The following MYPN variants were observed in gnomAD, a reference collection of about 807,000 sequenced individuals.
MYPN encodes myopalladin.
MYPN carries 63 observed loss-of-function variants against 129.4 expected under a neutral mutation model. That is an observed-to-expected ratio of 0.49 (90% CI 0.40 to 0.60). The LOEUF is 0.60. MYPN is among the 20% of genes least tolerant of loss of function. MYPN has a pLI of 0.00. For synonymous variants in MYPN, 629 were observed against 600.9 expected (o/e 1.05, Z -0.68); for missense variants, 1,596 against 1,635.4 (o/e 0.98, Z 0.42).
At chr10:68,193,797 GCACACACA>G (rs368376657) in intron 13 of MYPN, among the ~76,000 whole-genome samples, 6,679 of 127,578 alleles carry the variant, frequency 0.052, 164 homozygotes, top group Middle Eastern at 0.082. Flanking sequence ...ATGTGTATGT[GCACACACA>G]CACACACACA....
At chr10:68,139,386 C>T (rs2042538407) in intron 2 of MYPN, among the ~76,000 whole-genome samples, 1 of 152,210 alleles carries the variant, frequency 6.6e-6, no homozygotes, top group African/African-American at 2.4e-5. Flanking sequence ...GCTCCTCAAC[C>T]TGCTTTCCAC....
At chr10:68,118,618 G>A (rs891885956) in intron 1 of MYPN, among the ~76,000 whole-genome samples, 1 of 152,256 alleles carries the variant, frequency 6.6e-6, no homozygotes, top group Admixed American at 6.6e-5. Flanking sequence ...GATCACTTGA[G>A]GTTCTTTGAG....
intron 10 of MYPN, among the ~76,000 whole-genome samples, chr10:68,168,140 A>G (rs1265267135): frequency 1.3e-5 from 2 of 152,116 alleles, no homozygotes; most frequent in Non-Finnish European, 2.9e-5. Context: ...ATTCCACATC[A>G]TGATCTGTGT....
upstream of MYPN, among the ~76,000 whole-genome samples, chr10:68,105,079 G>A (rs762984542): frequency 2.6e-5 from 4 of 152,170 alleles, no homozygotes; most frequent in South Asian, 2.1e-4. Flanking sequence ...CACCATGCCC[G>A]GCCTAATATG....
intron 2 of MYPN, chr10:68,136,599 G>T: frequency 6.6e-7 from 1 of 1,505,700 alleles, no homozygotes; most frequent in Non-Finnish European, 8.8e-7. Flanking sequence ...TGTTTTTTTA[G>T]GCCTGCTGAG....
At chr10:68,182,449 TA>T (rs2043347176) in intron 12 of MYPN, among the ~76,000 whole-genome samples, 5 of 112,260 alleles carry the variant, frequency 4.5e-5, no homozygotes, top group Admixed American at 3.1e-4. Context: ...AACATATATA[TA>T]ACATATATAT....
chr10:68,096,655 T>G (rs2041958015), intron 1 of MYPN, among the ~76,000 whole-genome samples: 1 of 152,228 alleles, frequency 6.6e-6, no homozygotes, highest in Non-Finnish European at 1.5e-5. Flanking sequence ...TCTGTCCCAG[T>G]TCATCATCAT....
At chr10:68,194,308 A>C in intron 13 of MYPN, 55 bp from the exon 14 acceptor site, 1 of 1,597,630 alleles carries the variant, frequency 6.3e-7, no homozygotes, top group Non-Finnish European at 8.5e-7. Context: ...ACCCTAGTTC[A>C]TTAACCTCTA....
intron 10 of MYPN, among the ~76,000 whole-genome samples, chr10:68,173,762 C>T (rs1196310752): frequency 6.6e-6 from 1 of 151,688 alleles, no homozygotes; most frequent in Non-Finnish European, 1.5e-5. Context: ...AATCCTCCCA[C>T]CACAGCCTCC....
intron 8 of MYPN, 184 bp downstream of exon 8, chr10:68,161,936 G>A: frequency 2.1e-6 from 1 of 485,944 alleles, no homozygotes; most frequent in Non-Finnish European, 3.7e-6. Flanking sequence ...GCCGAGGCGG[G>A]CGGATTACTT....
At chr10:68,139,632 A>G (rs2042543020) in intron 2 of MYPN, among the ~76,000 whole-genome samples, 3 of 152,242 alleles carry the variant, frequency 2.0e-5, no homozygotes, top group African/African-American at 4.8e-5. Flanking sequence ...TGGTCTTGGT[A>G]GTTTTATGCT....
At chr10:68,096,549 G>A (rs2041957691) in intron 1 of MYPN, among the ~76,000 whole-genome samples, 1 of 152,168 alleles carries the variant, frequency 6.6e-6, no homozygotes, top group African/African-American at 2.4e-5. Flanking sequence ...GTGACAGAGT[G>A]AGGCAAAAAA....
At position 68,158,516 on chromosome 10, in the gene MYPN, C is replaced by T. The variant is rs867179210; in HGVS notation, c.1348C>T (p.Gln450Ter). Residue 450 changes from glutamine to a stop codon, truncating the protein, a stop_gained, in exon 7 of 20, where the codon CAG (glutamine) becomes TAG (stop). Coordinates refer to ENST00000358913, the MANE Select transcript of MYPN (RefSeq NM_032578.4). LOFTEE classifies it high-confidence loss of function. ...MLQNLSASEG[Q>*]LVVFECRVKG... ...ACAAAATTTGTCAGCTTCTGAGGGTCAGCTGGTTGTCTTTGAATGCAGAGT... is the reference window on the plus strand; with the variant it reads ...ACAAAATTTGTCAGCTTCTGAGGGTTAGCTGGTTGTCTTTGAATGCAGAGT... The T allele has an allele frequency of 6.2e-7, 1 of 1,614,004 alleles. No homozygotes were observed. The highest frequency in any genetic ancestry group is 2.2e-5 in the East Asian group (1 of 44,872).
chr10:68,096,181 A>G (rs756181157), intron 1 of MYPN, among the ~76,000 whole-genome samples: 7 of 152,272 alleles, frequency 4.6e-5, no homozygotes, highest in Non-Finnish European at 8.8e-5. Context: ...CTGAAGATTT[A>G]TAAGATAAAC....
chr10:68,189,524 A>G (rs372393972), intron 13 of MYPN, among the ~76,000 whole-genome samples: 1 of 152,056 alleles, frequency 6.6e-6, no homozygotes. Flanking sequence ...TCTCCCATCT[A>G]TCCTTCCCAG....
rs192430229 is a variant in MYPN, at chr10:68,211,217, T to C, written c.*762T>C. On this transcript the variant is annotated 3_prime_UTR_variant, in exon 20 of 20. Coordinates refer to ENST00000358913, the MANE Select transcript of MYPN (RefSeq NM_032578.4). The stretch of plus-strand genomic sequence containing the variant: ...ATCCCTAGACACTAGAACTAAAGGA[T>C]TGGTAATAAACCAATCAGAAAGAAA... 8.6e-5 allele frequency: 39 copies of C among 454,052 alleles called. No homozygotes were observed. Among genetic ancestry groups the C allele is most frequent in the Admixed American group, 7.8e-4 (33 of 42,550 alleles). 28.1% of individuals were successfully genotyped at this position (454,052 alleles called of 1,614,324 possible).
intron 16 of MYPN, among the ~76,000 whole-genome samples, chr10:68,197,865 A>T (rs145421735): frequency 0.012 from 1,831 of 152,260 alleles, 8 homozygotes; most frequent in Middle Eastern, 0.048. Flanking sequence ...AAAGTTGATA[A>T]CCAAGACAGC....
intron 1 of MYPN, among the ~76,000 whole-genome samples, chr10:68,095,156 C>T (rs2041950428): frequency 6.6e-6 from 1 of 151,952 alleles, no homozygotes; most frequent in African/African-American, 2.4e-5. Context: ...CCAGCCTTGG[C>T]AACATGGTAA....
chr10:68,131,795 T>A (rs1390735522), intron 2 of MYPN, among the ~76,000 whole-genome samples: 2 of 152,258 alleles, frequency 1.3e-5, no homozygotes, highest in African/African-American at 4.8e-5. Flanking sequence ...TATTATTATT[T>A]TTTAATGCTA....
Sources: gnomAD v4.1 joint callset for allele counts (sites outside exome capture counted in the v4.1 genomes callset) on GRCh38, gnomAD v4.1.1 for gene constraint, MANE v1.5 for transcripts, NCBI Gene and HGNC (gene_info 2026-07-23, HGNC 2026-07-21) for gene names.